Variants in PPFIA2 observed in about 807,000 individuals in gnomAD.
The protein encoded by PPFIA2 is PPFI scaffold protein A2.
A neutral mutation model predicts 175.5 loss-of-function variants in PPFIA2; 46 were observed. The observed-to-expected ratio is 0.26, with a 90% CI of 0.21 to 0.34. The LOEUF is 0.34. PPFIA2 is among the 10% of genes least tolerant of loss of function. The probability of loss-of-function intolerance (pLI) is 1.00; values close to 1 mark genes in which losing one functional copy is unlikely to be tolerated. For missense variants in PPFIA2, 1,179 were observed against 1,506.1 expected (o/e 0.78, Z 3.60); for synonymous variants, 568 against 511.4 (o/e 1.11, Z -1.49).
intron 4 of PPFIA2, among the ~76,000 whole-genome samples, chr12:81,592,784 A>G (rs1363965744): frequency 6.6e-6 from 1 of 152,134 alleles, no homozygotes; most frequent in African/African-American, 2.4e-5. Flanking sequence ...TACACAGGGT[A>G]TCACTCTGTC....
At chr12:81,478,792 T>A (rs1427346661) in intron 4 of PPFIA2, among the ~76,000 whole-genome samples, 1 of 152,192 alleles carries the variant, frequency 6.6e-6, no homozygotes. Flanking sequence ...CGGTTTGTTA[T>A]GATTTCCTTT....
At chr12:81,644,917 A>T (rs2065848929) in intron 4 of PPFIA2, among the ~76,000 whole-genome samples, 1 of 128,962 alleles carries the variant, frequency 7.8e-6, no homozygotes, top group South Asian at 2.5e-4. Flanking sequence ...AATTTCAGTT[A>T]TTAAGAATTT....
At chr12:81,423,315 C>A (rs1453830957) in intron 7 of PPFIA2, among the ~76,000 whole-genome samples, 1 of 151,992 alleles carries the variant, frequency 6.6e-6, no homozygotes, top group Non-Finnish European at 1.5e-5. Flanking sequence ...AATTACAGGC[C>A]AATATTTCTG....
chr12:81,276,290 C>T (rs186536962), intron 28 of PPFIA2, among the ~76,000 whole-genome samples: 5 of 151,956 alleles, frequency 3.3e-5, no homozygotes, highest in East Asian at 1.9e-4. Context: ...GGGAGGGTGG[C>T]GAAAGATGAG....
chr12:81,528,400 A>G (rs1372780712), intron 4 of PPFIA2, among the ~76,000 whole-genome samples: 1 of 152,114 alleles, frequency 6.6e-6, no homozygotes, highest in Non-Finnish European at 1.5e-5. Flanking sequence ...AAATATCCGT[A>G]CGCACTTTAT....
At chr12:81,536,087 A>G (rs1279252329) in intron 4 of PPFIA2, among the ~76,000 whole-genome samples, 1 of 151,822 alleles carries the variant, frequency 6.6e-6, no homozygotes, top group African/African-American at 2.4e-5. Context: ...TATGAGTGTT[A>G]TAAATATAGT....
chr12:81,327,160 T>C (rs2054963894), intron 21 of PPFIA2, among the ~76,000 whole-genome samples: 2 of 152,126 alleles, frequency 1.3e-5, no homozygotes, highest in African/African-American at 4.8e-5. Context: ...GATAACCTTT[T>C]TACTGAACTA....
intron 4 of PPFIA2, chr12:81,505,789 A>C (rs547006984): frequency 6.6e-6 from 1 of 152,388 alleles, no homozygotes; most frequent in South Asian, 2.1e-4. Flanking sequence ...TACATATGTC[A>C]GAGATGAGGT....
intron 2 of PPFIA2, among the ~76,000 whole-genome samples, chr12:81,756,655 C>T (rs1302671201): frequency 6.6e-6 from 1 of 151,780 alleles, no homozygotes; most frequent in East Asian, 1.9e-4. Context: ...TGAAAGAGGG[C>T]CAATAATCTA....
intron 4 of PPFIA2, among the ~76,000 whole-genome samples, chr12:81,527,436 T>C (rs2063861116): frequency 6.6e-6 from 1 of 152,042 alleles, no homozygotes; most frequent in Admixed American, 6.6e-5. Context: ...GACTTCCACT[T>C]TTCTTAGTCT....
chr12:81,390,676 GT>G (rs1328413737), intron 8 of PPFIA2, among the ~76,000 whole-genome samples: 3 of 151,732 alleles, frequency 2.0e-5, no homozygotes, highest in African/African-American at 7.3e-5. Context: ...TTTGATTCAA[GT>G]ATTTTATGAA....
Position 81,748,788 on chromosome 12 carries a change from T to C in PPFIA2, c.249+5185A>G, listed in dbSNP as rs147552384. ...TAACTGATGAATATTATGTAATCCATCCAAAATCAAGATTGTAAAATAATT... is the reference window on the plus strand; with the variant it reads ...TAACTGATGAATATTATGTAATCCACCCAAAATCAAGATTGTAAAATAATT... On this transcript the variant is annotated intron_variant, in intron 3 of 32. Coordinates refer to ENST00000549396, the MANE Select transcript of PPFIA2 (RefSeq NM_003625.5). 1.8e-4 allele frequency among the ~76,000 whole-genome samples: 26 copies of C among 144,480 alleles called. 1 individual carries two copies. Among genetic ancestry groups the C allele is most frequent in the African/African-American group, 6.1e-4 (25 of 41,220 alleles). 94.8% of individuals were successfully genotyped at this position (144,480 alleles called of 152,430 possible). A position where few individuals can be genotyped will look rare whatever the true frequency, so the allele number is the denominator to read the frequency against.
chr12:81,740,218 G>A (rs1256109210), intron 3 of PPFIA2, among the ~76,000 whole-genome samples: 1 of 152,082 alleles, frequency 6.6e-6, no homozygotes, highest in African/African-American at 2.4e-5. Flanking sequence ...CTTATTATGA[G>A]TATTTTTTAA....
At position 81,583,207 on chromosome 12, in the gene PPFIA2, AATAT is replaced by A. The variant is rs544147549; in HGVS notation, c.303+93580_303+93583del. Among the ~76,000 whole-genome samples, 9 of 152,036 alleles carry A rather than the reference AATAT, an allele frequency of 5.9e-5. No homozygotes were observed. In the East Asian group the frequency reaches 1.7e-3, roughly 30 times the overall value. Reference sequence around the variant, plus strand: ...TATCCCCCAAAAAGACATTATTTCCAATATTTCCCACTCTCCTGAAGCATGCAAC... The same window carrying A: ...TATCCCCCAAAAAGACATTATTTCCATTCCCACTCTCCTGAAGCATGCAAC... On this transcript the variant is annotated intron_variant, in intron 4 of 32. Coordinates refer to ENST00000549396, the MANE Select transcript of PPFIA2 (RefSeq NM_003625.5).
intron 4 of PPFIA2, among the ~76,000 whole-genome samples, chr12:81,466,178 G>A (rs892254176): frequency 6.6e-6 from 1 of 152,134 alleles, no homozygotes; most frequent in African/African-American, 2.4e-5. Flanking sequence ...CAAGTTAAAA[G>A]AAAACTGGGT....
intron 22 of PPFIA2, among the ~76,000 whole-genome samples, chr12:81,313,850 C>T (rs1045552459): frequency 6.6e-6 from 1 of 151,614 alleles, no homozygotes; most frequent in African/African-American, 2.4e-5. Flanking sequence ...GTAGTGAAAC[C>T]TAATATTTAT....
intron 3 of PPFIA2, among the ~76,000 whole-genome samples, chr12:81,703,850 C>G (rs1294976446): frequency 6.6e-6 from 1 of 152,084 alleles, no homozygotes; most frequent in Non-Finnish European, 1.5e-5. Flanking sequence ...TTCTTCTGCT[C>G]TTCGTAAGGC....
chr12:81,586,974 T>A (rs1047441101), intron 4 of PPFIA2, among the ~76,000 whole-genome samples: 1 of 152,000 alleles, frequency 6.6e-6, no homozygotes, highest in Non-Finnish European at 1.5e-5. Context: ...ATTCCATATA[T>A]ATTCCATTGA....
At chr12:81,354,272 C>A (rs1365029499) in intron 16 of PPFIA2, among the ~76,000 whole-genome samples, 1 of 152,146 alleles carries the variant, frequency 6.6e-6, no homozygotes, top group Non-Finnish European at 1.5e-5. Context: ...AGCATTTAAC[C>A]CAGAGTAGAA....
Sources: allele counts gnomAD v4.1 joint callset (sites outside exome capture counted in the v4.1 genomes callset), GRCh38; gene constraint gnomAD v4.1.1; transcripts MANE v1.5; gene names NCBI Gene and HGNC (gene_info 2026-07-23, HGNC 2026-07-21).